Variants in DGKB observed in about 807,000 individuals in gnomAD.
DGKB encodes diacylglycerol kinase beta, also known as 90 kDa diacylglycerol kinase.
DGKB carries 67 observed loss-of-function variants against 114.3 expected under a neutral mutation model. That is an observed-to-expected ratio of 0.59 (90% CI 0.48 to 0.72). DGKB has a LOEUF of 0.72. Among genes scored for constraint, DGKB ranks in the 30% least tolerant of loss-of-function variants. The probability of loss-of-function intolerance (pLI) is 0.00; values close to 1 mark genes in which losing one functional copy is unlikely to be tolerated. For missense variants in DGKB, 907 were observed against 975.2 expected (o/e 0.93, Z 0.93); for synonymous variants, 398 against 323.1 (o/e 1.23, Z -2.49).
intron 21 of DGKB, among the ~76,000 whole-genome samples, chr7:14,350,720 C>A (rs1813289156): frequency 6.6e-6 from 1 of 151,054 alleles, no homozygotes; most frequent in Non-Finnish European, 1.5e-5. Flanking sequence ...GATACTGAAC[C>A]CATTTTCAAG....
chr7:14,233,172 G>A (rs1792183353), intron 23 of DGKB, among the ~76,000 whole-genome samples: 1 of 152,004 alleles, frequency 6.6e-6, no homozygotes, highest in Admixed American at 6.6e-5. Context: ...TGTATAAGAA[G>A]GGACTTGCCT....
chr7:14,919,067 CACACACACACACACACACACACACACAA>C (rs1270398260), intron 1 of DGKB, among the ~76,000 whole-genome samples: 4 of 115,906 alleles, frequency 3.5e-5, no homozygotes, highest in East Asian at 3.7e-4. Context: ...CACACGCACA[CACACACACACACACACACACACACACAA>C]ACACACACAC....
intron 17 of DGKB, among the ~76,000 whole-genome samples, chr7:14,602,779 A>C (rs1327944357): frequency 6.6e-6 from 1 of 152,218 alleles, no homozygotes; most frequent in Non-Finnish European, 1.5e-5. Flanking sequence ...TTGTTATAGC[A>C]GCCAGAACAG....
chr7:14,646,261 A>G (rs993909357), intron 13 of DGKB, among the ~76,000 whole-genome samples: 3 of 152,216 alleles, frequency 2.0e-5, no homozygotes, highest in African/African-American at 7.2e-5. Flanking sequence ...GTCAAAAAAC[A>G]TAAAAACAGA....
At chr7:14,418,836 T>C (rs1826210900) in intron 21 of DGKB, among the ~76,000 whole-genome samples, 2 of 151,948 alleles carry the variant, frequency 1.3e-5, no homozygotes, top group Admixed American at 1.3e-4. Context: ...TAAAAATAGA[T>C]GTGACAAAAA....
intron 1 of DGKB, among the ~76,000 whole-genome samples, chr7:14,909,900 C>T (rs568347302): frequency 3.3e-5 from 5 of 151,946 alleles, no homozygotes; most frequent in African/African-American, 7.3e-5. Flanking sequence ...TTTAATGATG[C>T]TTTAAATAAT....
At chr7:14,922,051 G>A (rs1309741912) in intron 1 of DGKB, among the ~76,000 whole-genome samples, 1 of 152,062 alleles carries the variant, frequency 6.6e-6, no homozygotes, top group Non-Finnish European at 1.5e-5. Flanking sequence ...ATGCTAAAAT[G>A]ATGACTTCGA....
chr7:14,398,337 T>C (rs1442278175), intron 21 of DGKB, among the ~76,000 whole-genome samples: 2 of 151,990 alleles, frequency 1.3e-5, no homozygotes, highest in East Asian at 3.9e-4. Flanking sequence ...AAAATGAAAA[T>C]TAGAAAAACA....
intron 17 of DGKB, among the ~76,000 whole-genome samples, chr7:14,591,399 G>T (rs10155991): frequency 0.54 from 81,592 of 151,896 alleles, 22,331 homozygotes; most frequent in African/African-American, 0.63. Flanking sequence ...TTCAAATGAT[G>T]TATGAAGAAA....
intron 13 of DGKB, among the ~76,000 whole-genome samples, chr7:14,665,904 A>G (rs1366058997): frequency 3.3e-5 from 5 of 151,986 alleles, no homozygotes; most frequent in Non-Finnish European, 7.4e-5. Flanking sequence ...AAGGGATTCT[A>G]TAGGCCTATT....
intron 4 of DGKB, chr7:14,750,088 C>G (rs955978205): frequency 1.9e-6 from 1 of 514,786 alleles, no homozygotes; most frequent in Non-Finnish European, 3.9e-6. Flanking sequence ...TTAGTCATCA[C>G]AAAACCTATG....
chr7:14,850,606 T>G (rs1849224670), intron 1 of DGKB, among the ~76,000 whole-genome samples: 1 of 152,066 alleles, frequency 6.6e-6, no homozygotes, highest in Admixed American at 6.6e-5. Context: ...GATGTATAAG[T>G]CTTAGTGATG....
At chr7:14,576,404 T>A (rs186888874) in intron 19 of DGKB, among the ~76,000 whole-genome samples, 1 of 151,762 alleles carries the variant, frequency 6.6e-6, no homozygotes, top group African/African-American at 2.4e-5. Context: ...ATAAATTATA[T>A]ACATATATAT....
At chr7:14,790,487 G>A (rs1013800887) in intron 2 of DGKB, among the ~76,000 whole-genome samples, 15 of 131,718 alleles carry the variant, frequency 1.1e-4, no homozygotes, top group Non-Finnish European at 2.0e-4. Context: ...GCACAATTTA[G>A]GCTCATTTTT....
chr7:14,669,802 C>A (rs549244071), intron 13 of DGKB, among the ~76,000 whole-genome samples: 1 of 152,186 alleles, frequency 6.6e-6, no homozygotes, highest in African/African-American at 2.4e-5. Context: ...CATAATCAAG[C>A]TGAAATTTTA....
rs375172143 is a variant in DGKB at position 14,960,730 on chromosome 7, T to C, written c.-188+13966A>G. On this transcript the variant is annotated intron_variant, in intron 1 of 4. Transcript: ENST00000437998. ...CAACTAAGGTCAATCTGTGTTATTATTACTAATGTCACATCACAGATCATC... is the reference window on the plus strand; with the variant it reads ...CAACTAAGGTCAATCTGTGTTATTACTACTAATGTCACATCACAGATCATC... Among the ~76,000 whole-genome samples, 13 of 152,196 alleles carry C rather than the reference T, an allele frequency of 8.5e-5. No homozygotes were observed. In the East Asian group the frequency reaches 2.5e-3, roughly 30 times the overall value.
intron 25 of DGKB, among the ~76,000 whole-genome samples, chr7:14,171,941 G>A (rs1204904745): frequency 6.6e-6 from 1 of 152,074 alleles, no homozygotes; most frequent in Non-Finnish European, 1.5e-5. Flanking sequence ...AAAAGGAGCT[G>A]GACATATAAC....
At chr7:14,357,526 C>G (rs909264847) in intron 21 of DGKB, among the ~76,000 whole-genome samples, 4 of 152,234 alleles carry the variant, frequency 2.6e-5, no homozygotes, top group African/African-American at 9.6e-5. Context: ...ATACAGCATA[C>G]CAATGGGTCT....
At chr7:14,887,990 G>C (rs529338982) in intron 1 of DGKB, among the ~76,000 whole-genome samples, 6 of 151,774 alleles carry the variant, frequency 4.0e-5, no homozygotes, top group Non-Finnish European at 8.9e-5. Flanking sequence ...AATACCTGTT[G>C]AATGGGAGTT....
Sources: allele counts gnomAD v4.1 joint callset (sites outside exome capture counted in the v4.1 genomes callset), GRCh38; gene constraint gnomAD v4.1.1; transcripts MANE v1.5; gene names NCBI Gene and HGNC (gene_info 2026-07-23, HGNC 2026-07-21).